Variants in CAGE1 observed in about 807,000 individuals in gnomAD.
CAGE1 encodes cancer-associated gene 1 protein.
Under a neutral mutation model 94.9 loss-of-function variants are expected in CAGE1, and 66 were observed. The ratio of observed to expected loss-of-function variants is 0.70; its 90% CI spans 0.57 to 0.85. The LOEUF is 0.85. CAGE1 is among the 40% of genes least tolerant of loss of function. The probability of loss-of-function intolerance (pLI) is 0.00; values close to 1 mark genes in which losing one functional copy is unlikely to be tolerated. For synonymous variants in CAGE1, 319 were observed against 321.0 expected (o/e 0.99, Z 0.07); for missense variants, 865 against 950.4 (o/e 0.91, Z 1.18).
Position 7,373,384 on chromosome 6 carries a change from C to A in CAGE1, c.1435G>T (p.Ala479Ser). 17 of 1,613,730 alleles carry A rather than the reference C, an allele frequency of 1.1e-5. No homozygotes were observed. Among genetic ancestry groups the A allele is most frequent in the Non-Finnish European group, 1.4e-5 (17 of 1,179,810 alleles). The change falls in exon 5 of 14, where the codon GCC becomes TCC. Residue 479 changes from alanine to serine, a missense_variant. Physicochemically the swap from Ala to Ser is moderately conservative, Grantham distance 99. Transcript: ENST00000502583. ...ALDLLKREKE[A>S]QEQEFLSLQE... is the part of the protein sequence containing the mutation. ...AAAGACAAGAACTCTTGTTCTTGGG[C>A]CTCTTTTTCCCGTTTCAACAAGTCC...
chr6:7,343,004 T>G (rs1759244601), intron 11 of CAGE1, among the ~76,000 whole-genome samples: 1 of 151,986 alleles, frequency 6.6e-6, no homozygotes, highest in African/African-American at 2.4e-5. Flanking sequence ...CTGGCCAACA[T>G]AGTGAAACCC....
intron 13 of CAGE1, among the ~76,000 whole-genome samples, chr6:7,328,026 C>CA (rs1159627328): frequency 6.6e-6 from 1 of 152,150 alleles, no homozygotes; most frequent in East Asian, 1.9e-4. Context: ...TCAATGGCAG[C>CA]ATATGGAGGC....
Position 7,355,112 on chromosome 6 carries a change from C to CT in CAGE1, c.2299-2dup. ...CAATGATTTCTTCATATGATGTAAC[C>CT]TTGAAAAAAATAAGCTAAACCAATT... On this transcript the variant is annotated splice_acceptor_variant, in intron 10 of 13. Coordinates refer to ENST00000502583, the MANE Select transcript of CAGE1 (RefSeq NM_001170692.2). LOFTEE classifies it high-confidence loss of function. 1 of 1,592,408 alleles carries CT rather than the reference C, an allele frequency of 6.3e-7. No homozygotes were observed. Among genetic ancestry groups the CT allele is most frequent in the South Asian group, 1.2e-5 (1 of 86,690 alleles).
At chr6:7,344,242 G>A (rs756550938) in intron 11 of CAGE1, among the ~76,000 whole-genome samples, 17 of 152,016 alleles carry the variant, frequency 1.1e-4, no homozygotes, top group Non-Finnish European at 2.1e-4. Context: ...GGGAACCGGG[G>A]CTGGGCGTGG....
chr6:7,371,328 G>C (rs982911225), intron 5 of CAGE1, among the ~76,000 whole-genome samples: 7 of 151,850 alleles, frequency 4.6e-5, no homozygotes, highest in Admixed American at 3.9e-4. Context: ...TTAGATCTTA[G>C]ATTTTTTTTT....
At chr6:7,382,573 T>G (rs1225411824) in intron 3 of CAGE1, among the ~76,000 whole-genome samples, 1 of 150,094 alleles carries the variant, frequency 6.7e-6, no homozygotes, top group Non-Finnish European at 1.5e-5. Flanking sequence ...AGTGCTGGGA[T>G]TACAGGTATG....
At chr6:7,373,018 G>A in intron 5 of CAGE1, 55 bp downstream of exon 5, 4 of 1,272,408 alleles carry the variant, frequency 3.1e-6, no homozygotes, top group Non-Finnish European at 3.3e-6. Context: ...CGCATCACTA[G>A]ACCACTAGAA....
intron 13 of CAGE1, 87 bp downstream of exon 13, chr6:7,329,762 A>G (rs1758679879): frequency 2.9e-6 from 2 of 684,706 alleles, no homozygotes; most frequent in South Asian, 1.7e-5. Flanking sequence ...TGGAAATGTG[A>G]CTTCAGGAAC....
intron 4 of CAGE1, among the ~76,000 whole-genome samples, chr6:7,375,839 A>T (rs1400400515): frequency 6.6e-6 from 1 of 152,194 alleles, no homozygotes; most frequent in Non-Finnish European, 1.5e-5. Context: ...CTTCTGCAGA[A>T]CCTTGTATCT....
At chr6:7,349,255 T>G (rs1759680062) in intron 11 of CAGE1, among the ~76,000 whole-genome samples, 1 of 152,212 alleles carries the variant, frequency 6.6e-6, no homozygotes, top group Admixed American at 6.5e-5. Flanking sequence ...GGCCCTATCT[T>G]CAGCCTCCTC....
chr6:7,355,768 G>A (rs533180338), intron 10 of CAGE1, among the ~76,000 whole-genome samples: 4 of 152,210 alleles, frequency 2.6e-5, no homozygotes, highest in Non-Finnish European at 5.9e-5. Flanking sequence ...TTGGGAGGCC[G>A]AGGCAGAAGG....
rs574460085 is a variant in CAGE1, at chr6:7,343,198, A to AAAAAAAAAAAAGAAAAGAAAAG, written c.2370-9109_2370-9108insCTTTTCTTTTCTTTTTTTTTTT. ...TGCGAGACTCTGTCCCACAAAAAAA[A>AAAAAAAAAAAAGAAAAGAAAAG]AAAAGAAAAGAAAAGAAAAGAAAAA... On this transcript the variant is annotated intron_variant, in intron 11 of 13. Coordinates refer to ENST00000502583, the MANE Select transcript of CAGE1 (RefSeq NM_001170692.2). Among the ~76,000 whole-genome samples, 62 of 137,360 alleles carry AAAAAAAAAAAAGAAAAGAAAAG rather than the reference A, an allele frequency of 4.5e-4. No individual in the cohort carries two copies. The East Asian group carries it at 8.0e-3, about 18-fold the overall frequency. The allele number at this position is 137,360 out of a possible 152,430, so 90.1% of individuals were successfully genotyped here.
In CAGE1 at chr6:7,373,208, G is replaced by A. The variant is rs1760609588; in HGVS notation, c.1611C>T (p.Ile537=). 1.2e-6 allele frequency: 2 copies of A among 1,612,356 alleles called. No individual in the cohort carries two copies. The highest frequency in any genetic ancestry group is 1.1e-5 in the South Asian group (1 of 90,958). ...RTKNIKLQQQ[I]NEVKNENAKL... ...TTGCATTCTCATTTTTTACTTCGTT[G>A]ATTTGCTGCTGAAGTTTTATATTCT... Residue 537 remains isoleucine (I), a synonymous_variant, in exon 5 of 14, where the codon ATC becomes ATT. Transcript: ENST00000502583.
chr6:7,344,880 C>G (rs9767770), intron 11 of CAGE1, among the ~76,000 whole-genome samples: 41 of 152,048 alleles, frequency 2.7e-4, no homozygotes, highest in African/African-American at 9.6e-4. Flanking sequence ...TGTCGACACT[C>G]TGTATCTAGC....
chr6:7,339,341 C>A lies in CAGE1; in HGVS notation c.2370-5251G>T. 1 of 1,607,546 alleles carries A rather than the reference C, an allele frequency of 6.2e-7. No homozygotes were observed. Among genetic ancestry groups the A allele is most frequent in the Admixed American group, 1.7e-5 (1 of 60,014 alleles). On this transcript the variant is annotated intron_variant, in intron 11 of 13. Transcript: ENST00000502583. The surrounding 1 kb of genome is among the most constrained non-coding windows in gnomAD (Gnocchi z 4.7). Reference sequence around the variant, plus strand: ...CTACACTGCCCTCTGGAGAGCCAAACCTCTTCTGAACTACAGCAGTCAGTT... The same window carrying A: ...CTACACTGCCCTCTGGAGAGCCAAAACTCTTCTGAACTACAGCAGTCAGTT...
rs574460085 is a variant in CAGE1 at position 7,343,198 on chromosome 6, A to AAAAAAAAG, written c.2370-9109_2370-9108insCTTTTTTT. 2.6e-4 allele frequency among the ~76,000 whole-genome samples: 36 copies of AAAAAAAAG among 137,360 alleles called. 1 individual carries two copies. Among genetic ancestry groups the AAAAAAAAG allele is most frequent in the Admixed American group, 1.0e-3 (13 of 12,866 alleles). 90.1% of individuals were successfully genotyped at this position (137,360 alleles called of 152,430 possible). ...TGCGAGACTCTGTCCCACAAAAAAA[A>AAAAAAAAG]AAAAGAAAAGAAAAGAAAAGAAAAA... On this transcript the variant is annotated intron_variant, in intron 11 of 13. Transcript: ENST00000502583.
At chr6:7,355,966 C>T (rs574225422) in intron 10 of CAGE1, 59 bp downstream of exon 10, 103 of 974,674 alleles carry the variant, frequency 1.1e-4, no homozygotes, top group African/African-American at 6.8e-4. Flanking sequence ...CACTGTACTT[C>T]GGCCTGGGTG....
At chr6:7,350,392 T>C (rs764681895) in intron 11 of CAGE1, among the ~76,000 whole-genome samples, 6 of 152,162 alleles carry the variant, frequency 3.9e-5, no homozygotes, top group Non-Finnish European at 7.3e-5. Context: ...AGTTAAACGA[T>C]ACCTTGGAAC....
chr6:7,385,684 T>G (rs1037678733), intron 3 of CAGE1, 101 bp downstream of exon 3: 1 of 536,760 alleles, frequency 1.9e-6, no homozygotes, highest in Middle Eastern at 2.8e-4. Flanking sequence ...AGTGTGATGA[T>G]GTATATAAAG....
Sources: gnomAD v4.1 joint callset for allele counts (sites outside exome capture counted in the v4.1 genomes callset) on GRCh38, gnomAD v4.1.1 for gene constraint, Gnocchi (gnomAD v3.1) non-coding constraint, MANE v1.5 for transcripts, NCBI Gene and HGNC (gene_info 2026-07-23, HGNC 2026-07-21) for gene names.